GALK2: variants seen among roughly 807,000 people sequenced by gnomAD.
GALK2 encodes the protein N-acetylgalactosamine kinase.
In GALK2, 36 loss-of-function variants were observed where a neutral mutation model predicts 52.4. That is an observed-to-expected ratio of 0.69 (90% CI 0.53 to 0.91). The LOEUF is 0.91. Ranked by LOEUF, GALK2 falls within the 40% of genes least tolerant of loss-of-function variation. The pLI is 0.00. For synonymous variants in GALK2, 176 were observed against 199.1 expected (o/e 0.88, Z 0.98); for missense variants, 579 against 559.1 (o/e 1.04, Z -0.36).
At chr15:49,243,442 C>T (rs1437856186) in intron 5 of GALK2, among the ~76,000 whole-genome samples, 2 of 152,116 alleles carry the variant, frequency 1.3e-5, no homozygotes, top group East Asian at 3.9e-4. Flanking sequence ...GAAACTTAAC[C>T]ATCCCAGAGA....
chr15:49,354,524 C>T (rs534553861), intron 3 of GALK2, among the ~76,000 whole-genome samples: 1 of 152,342 alleles, frequency 6.6e-6, no homozygotes, highest in East Asian at 1.9e-4. Flanking sequence ...CACCTGAATA[C>T]TGCACTTTTC....
At chr15:49,231,915 A>T (rs560361520) in intron 3 of GALK2, among the ~76,000 whole-genome samples, 1 of 152,168 alleles carries the variant, frequency 6.6e-6, no homozygotes, top group Non-Finnish European at 1.5e-5. Context: ...GTGTTCATGC[A>T]CCTGCGGCTT....
At chr15:49,255,084 A>C (rs1421176251) in intron 5 of GALK2, among the ~76,000 whole-genome samples, 3 of 143,672 alleles carry the variant, frequency 2.1e-5, no homozygotes, top group Admixed American at 7.1e-5. Context: ...GGCATTCTTT[A>C]ATATGCCACA....
At chr15:49,201,076 G>T in intron 1 of GALK2, 86 bp from the exon 2 acceptor site, 1 of 671,120 alleles carries the variant, frequency 1.5e-6, no homozygotes, top group Admixed American at 2.1e-5. Flanking sequence ...GTGTGTGTGT[G>T]TGTGTGTGTG....
intron 3 of GALK2, among the ~76,000 whole-genome samples, chr15:49,222,625 C>G (rs1338819919): frequency 6.6e-6 from 1 of 152,138 alleles, no homozygotes. Context: ...TTATTACATG[C>G]TTTCTCTATG....
chr15:49,314,720 C>T (rs2036261766), intron 8 of GALK2, among the ~76,000 whole-genome samples: 1 of 152,156 alleles, frequency 6.6e-6, no homozygotes, highest in South Asian at 2.1e-4. Context: ...AACCAATGAA[C>T]AAATGAACAC....
intron 3 of GALK2, among the ~76,000 whole-genome samples, chr15:49,367,193 C>G (rs981504736): frequency 6.6e-6 from 1 of 152,052 alleles, no homozygotes; most frequent in Non-Finnish European, 1.5e-5. Context: ...ATCAGAGAAC[C>G]AAATATACTA....
rs1279538440 is a variant in GALK2, at chr15:49,228,683, ATATATTTTTTTTTTTTT to A, written c.267-7166_267-7150del. Among the ~76,000 whole-genome samples, 15 of 14,080 alleles carry A rather than the reference ATATATTTTTTTTTTTTT, an allele frequency of 1.1e-3. 1 individual carries two copies. The highest frequency in any genetic ancestry group is 6.7e-4 in the Admixed American group (1 of 1,484). The allele number at this position is 14,080 out of a possible 152,430, so 9.2% of individuals were successfully genotyped here. On this transcript the variant is annotated intron_variant, in intron 3 of 9. Transcript: ENST00000560031. ...CTGATATATATATATATATATATAT[ATATATTTTTTTTTTTTT>A]TTTTTTTTTTTGCGATGGAGTCTCA...
chr15:49,256,342 C>T (rs1449594625), intron 5 of GALK2, among the ~76,000 whole-genome samples: 4 of 152,156 alleles, frequency 2.6e-5, no homozygotes, highest in African/African-American at 9.7e-5. Context: ...CTGCAGGGAA[C>T]AGGTGGACTT....
chr15:49,183,498 C>T (rs2086122045), intron 1 of GALK2, among the ~76,000 whole-genome samples: 1 of 152,106 alleles, frequency 6.6e-6, no homozygotes, highest in Admixed American at 6.5e-5. Flanking sequence ...TAGTTTTATT[C>T]CATTGTTTTC....
chr15:49,257,136 G>T (rs1332669144), intron 5 of GALK2, among the ~76,000 whole-genome samples: 2 of 152,106 alleles, frequency 1.3e-5, no homozygotes, highest in East Asian at 3.9e-4. Flanking sequence ...TGCCACACTG[G>T]CTGGTGACTG....
At chr15:49,209,022 C>G (rs983407382) in intron 2 of GALK2, among the ~76,000 whole-genome samples, 1 of 152,126 alleles carries the variant, frequency 6.6e-6, no homozygotes, top group Admixed American at 6.6e-5. Context: ...TTTTCTACCC[C>G]TTTACTTTAA....
At chr15:49,190,502 C>A (rs1041177273) in intron 1 of GALK2, among the ~76,000 whole-genome samples, 4 of 152,134 alleles carry the variant, frequency 2.6e-5, no homozygotes, top group African/African-American at 9.7e-5. Context: ...TAAATAAAAT[C>A]TTTAACATAT....
intron 1 of GALK2, among the ~76,000 whole-genome samples, chr15:49,178,195 C>CTATATATATATATA (rs71120671): frequency 0.026 from 1,307 of 49,858 alleles, 35 homozygotes; most frequent in Middle Eastern, 0.054. Context: ...AAAAGAAATA[C>CTATATATATATATA]TATATATATA....
chr15:49,248,090 C>G (rs1306792669), intron 5 of GALK2, among the ~76,000 whole-genome samples: 1 of 152,120 alleles, frequency 6.6e-6, no homozygotes, highest in Non-Finnish European at 1.5e-5. Flanking sequence ...TGAGAAAGTA[C>G]AAGGCTGTAT....
chr15:49,196,033 T>C (rs1284602597), intron 1 of GALK2, among the ~76,000 whole-genome samples: 2 of 152,140 alleles, frequency 1.3e-5, no homozygotes, highest in Non-Finnish European at 2.9e-5. Flanking sequence ...TTTTGTACAT[T>C]TGTGCTTTAT....
intron 5 of GALK2, among the ~76,000 whole-genome samples, chr15:49,265,404 C>T (rs7167474): frequency 0.17 from 25,886 of 152,226 alleles, 2,470 homozygotes; most frequent in Non-Finnish European, 0.21. Flanking sequence ...CCTGGTGTGC[C>T]GTTTTTTAAG....
Position 49,194,530 on chromosome 15 carries a change from GT to G in GALK2, c.54-6625del, listed in dbSNP as rs201617038. Among the ~76,000 whole-genome samples, 11 of 151,272 alleles carry G rather than the reference GT, an allele frequency of 7.3e-5. No homozygotes were observed. In the South Asian group the frequency reaches 1.7e-3, roughly 23 times the overall value. On this transcript the variant is annotated intron_variant, in intron 1 of 9. Coordinates refer to ENST00000560031, the MANE Select transcript of GALK2 (RefSeq NM_002044.4). ...AAGGTTACTCCTCTCTCAAAACAGGGTTTTTTTGTTTTTGTTTTTTCTTTTT... is the reference window on the plus strand; with the variant it reads ...AAGGTTACTCCTCTCTCAAAACAGGGTTTTTTGTTTTTGTTTTTTCTTTTT...
intron 5 of GALK2, among the ~76,000 whole-genome samples, chr15:49,265,795 G>A (rs2092339877): frequency 6.6e-6 from 1 of 152,102 alleles, no homozygotes; most frequent in Admixed American, 6.5e-5. Flanking sequence ...AATATTCTTT[G>A]GGCTTCTGTG....
Sources: gnomAD v4.1 joint callset for allele counts (sites outside exome capture counted in the v4.1 genomes callset) on GRCh38, gnomAD v4.1.1 for gene constraint, MANE v1.5 for transcripts, NCBI Gene and HGNC (gene_info 2026-07-23, HGNC 2026-07-21) for gene names.